The following TMTC2 variants were observed in gnomAD, a reference collection of about 807,000 sequenced individuals.
TMTC2 encodes protein O-mannosyl-transferase TMTC2.
TMTC2 carries 43 observed loss-of-function variants against 82.4 expected under a neutral mutation model. The observed-to-expected ratio is 0.52, with a 90% confidence interval of 0.41 to 0.67. The LOEUF (loss-of-function observed/expected upper bound fraction) is 0.67, where lower values mean the gene tolerates loss of function less well. Among genes scored for constraint, TMTC2 ranks in the 30% least tolerant of loss-of-function variants. The pLI, the probability that TMTC2 is intolerant of heterozygous loss-of-function variation, is 0.00. For missense variants in TMTC2, 919 were observed against 1,012.4 expected (o/e 0.91, Z 1.25); for synonymous variants, 408 against 381.9 (o/e 1.07, Z -0.80).
At chr12:82,983,539 T>C (rs1015340557) in intron 7 of TMTC2, among the ~76,000 whole-genome samples, 1 of 152,048 alleles carries the variant, frequency 6.6e-6, no homozygotes, top group Non-Finnish European at 1.5e-5. Context: ...ATTAACAAAA[T>C]AATGAAGATT....
chr12:82,882,342 G>A (rs1196187170), intron 2 of TMTC2, among the ~76,000 whole-genome samples: 1 of 152,154 alleles, frequency 6.6e-6, no homozygotes, highest in Non-Finnish European at 1.5e-5. Flanking sequence ...GTTGATATCA[G>A]TACTTTACCC....
At chr12:82,733,121 G>A (rs905526607) in intron 1 of TMTC2, among the ~76,000 whole-genome samples, 7 of 151,858 alleles carry the variant, frequency 4.6e-5, no homozygotes, top group African/African-American at 1.2e-4. Flanking sequence ...TTATGCATAC[G>A]TAAATACTGT....
At chr12:82,802,909 C>T (rs1879079310) in intron 1 of TMTC2, among the ~76,000 whole-genome samples, 1 of 152,110 alleles carries the variant, frequency 6.6e-6, no homozygotes, top group Admixed American at 6.5e-5. Context: ...ATTCAAGGAG[C>T]TTCTGTAGTA....
intron 1 of TMTC2, among the ~76,000 whole-genome samples, chr12:82,695,354 C>G (rs7979455): frequency 6.6e-6 from 1 of 152,120 alleles, no homozygotes; most frequent in Non-Finnish European, 1.5e-5. Flanking sequence ...TATAAAGACA[C>G]TGAAAGGATG....
intron 2 of TMTC2, among the ~76,000 whole-genome samples, chr12:82,873,212 GTT>G (rs1491299765): frequency 8.6e-5 from 9 of 104,504 alleles, no homozygotes; most frequent in Non-Finnish European, 1.2e-4. Context: ...TTTCAAAGAT[GTT>G]GTGTGTGTGT....
chr12:82,697,276 A>T (rs912086352), intron 1 of TMTC2, among the ~76,000 whole-genome samples: 1 of 150,036 alleles, frequency 6.7e-6, no homozygotes, highest in Non-Finnish European at 1.5e-5. Flanking sequence ...CCTGGTGAGC[A>T]GAGAATGCAG....
At chr12:82,946,230 A>G (rs1024544307) in intron 4 of TMTC2, among the ~76,000 whole-genome samples, 2 of 152,204 alleles carry the variant, frequency 1.3e-5, no homozygotes, top group Non-Finnish European at 2.9e-5. Context: ...TTTACTTTGT[A>G]TATTGCTAAA....
chr12:83,022,943 A>G (rs1279492933), intron 8 of TMTC2, among the ~76,000 whole-genome samples: 1 of 152,166 alleles, frequency 6.6e-6, no homozygotes, highest in Non-Finnish European at 1.5e-5. Context: ...ATTTTTGGCT[A>G]CTCAAGTTCA....
At chr12:82,930,640 C>A in intron 4 of TMTC2, 95 bp downstream of exon 4, 2 of 692,070 alleles carry the variant, frequency 2.9e-6, no homozygotes, top group Non-Finnish European at 4.9e-6. Context: ...ATGATGATAG[C>A]TATTGTCCTG....
chr12:82,923,852 T>A (rs1875537981), intron 3 of TMTC2, among the ~76,000 whole-genome samples: 1 of 152,162 alleles, frequency 6.6e-6, no homozygotes, highest in Non-Finnish European at 1.5e-5. Context: ...CCATTTCTTT[T>A]AGGATTTGGT....
Position 82,765,714 on chromosome 12 carries a change from C to CA in TMTC2, c.83+78054dup, listed in dbSNP as rs199754664. On this transcript the variant is annotated intron_variant, in intron 1 of 11. Transcript: ENST00000321196. Reference sequence around the variant, plus strand: ...AAACAAAACAAAACAAACAAACAAACAAAAAAAAACAAAGAAAAAACAGGT... The same window carrying CA: ...AAACAAAACAAAACAAACAAACAAACAAAAAAAAAACAAAGAAAAAACAGGT... 1.8e-3 allele frequency among the ~76,000 whole-genome samples: 245 copies of CA among 137,838 alleles called. 1 individual carries two copies. Among genetic ancestry groups the CA allele is most frequent in the East Asian group, 3.7e-3 (19 of 5,100 alleles). The allele number at this position is 137,838 out of a possible 152,430, so 90.4% of individuals were successfully genotyped here.
intron 2 of TMTC2, among the ~76,000 whole-genome samples, chr12:82,894,440 A>G (rs1873552554): frequency 6.6e-6 from 1 of 152,182 alleles, no homozygotes; most frequent in African/African-American, 2.4e-5. Context: ...TAGAAGTTGT[A>G]TATGCTTAAG....
intron 1 of TMTC2, among the ~76,000 whole-genome samples, chr12:82,740,123 T>C (rs1467600775): frequency 1.3e-5 from 2 of 152,172 alleles, no homozygotes; most frequent in African/African-American, 4.8e-5. Flanking sequence ...TAATGAAAAT[T>C]CTAGCAGATC....
intron 1 of TMTC2, among the ~76,000 whole-genome samples, chr12:82,733,608 A>C (rs1052842068): frequency 6.6e-6 from 1 of 152,194 alleles, no homozygotes; most frequent in Admixed American, 6.5e-5. Context: ...TGTAGAAGAC[A>C]GAATTAGTTT....
Position 82,917,768 on chromosome 12 carries a change from A to AT in TMTC2, c.1484-12656dup, listed in dbSNP as rs372074198. Reference sequence around the variant, plus strand: ...AGGCCCCTGCCACCAGGCCCGGCTAATTTTTTTGTATTTTTAGTAGAGACA... The same window carrying AT: ...AGGCCCCTGCCACCAGGCCCGGCTAATTTTTTTTGTATTTTTAGTAGAGACA... On this transcript the variant is annotated intron_variant, in intron 3 of 11. Coordinates refer to ENST00000321196, the MANE Select transcript of TMTC2 (RefSeq NM_152588.3). Among the ~76,000 whole-genome samples, 11 of 151,632 alleles carry AT rather than the reference A, an allele frequency of 7.3e-5. 1 individual carries two copies. Among genetic ancestry groups the AT allele is most frequent in the Non-Finnish European group, 7.4e-5 (5 of 67,940 alleles).
chr12:82,771,438 C>T (rs953212376), intron 1 of TMTC2, among the ~76,000 whole-genome samples: 1 of 152,048 alleles, frequency 6.6e-6, no homozygotes, highest in Non-Finnish European at 1.5e-5. Flanking sequence ...GCCTTATTAC[C>T]ATGTGGCACC....
intron 2 of TMTC2, among the ~76,000 whole-genome samples, chr12:82,879,923 C>T (rs1481785670): frequency 2.6e-5 from 4 of 152,170 alleles, no homozygotes; most frequent in South Asian, 2.1e-4. Context: ...GCTGTCCTTA[C>T]TGGATGCCGG....
intron 1 of TMTC2, among the ~76,000 whole-genome samples, chr12:82,713,793 C>T (rs1192216395): frequency 2.0e-5 from 3 of 152,154 alleles, no homozygotes; most frequent in African/African-American, 7.2e-5. Flanking sequence ...TGAAAAAACA[C>T]AGGAGGAAAG....
intron 1 of TMTC2, among the ~76,000 whole-genome samples, chr12:82,737,203 A>G (rs945566444): frequency 6.6e-6 from 1 of 152,184 alleles, no homozygotes; most frequent in Non-Finnish European, 1.5e-5. Flanking sequence ...TAAACTCTTT[A>G]TCTTCAAACT....
Sources: gnomAD v4.1 joint callset for allele counts (sites outside exome capture counted in the v4.1 genomes callset) on GRCh38, gnomAD v4.1.1 for gene constraint, MANE v1.5 for transcripts, NCBI Gene and HGNC (gene_info 2026-07-23, HGNC 2026-07-21) for gene names.